Variants in SOX5 observed in about 807,000 individuals in gnomAD.
SOX5 encodes the protein SRY-box transcription factor 5.
A neutral mutation model predicts 92.0 loss-of-function variants in SOX5; 9 were observed. The observed-to-expected ratio is 0.10, with a 90% CI of 0.06 to 0.17. The LOEUF (loss-of-function observed/expected upper bound fraction) is 0.17. SOX5 is among the 10% of genes least tolerant of loss of function. The probability of loss-of-function intolerance (pLI) is 1.00; values close to 1 mark genes in which losing one functional copy is unlikely to be tolerated. For synonymous variants in SOX5, 344 were observed against 336.3 expected (o/e 1.02, Z -0.25); for missense variants, 642 against 944.5 (o/e 0.68, Z 4.20).
intron 1 of SOX5, among the ~76,000 whole-genome samples, chr12:24,529,853 A>T (rs1027021670): frequency 6.6e-5 from 10 of 152,272 alleles, no homozygotes; most frequent in African/African-American, 2.4e-4. Context: ...CCCCGTCTCT[A>T]CTAAAAAATA....
chr12:23,996,038 T>C (rs980885231), intron 4 of SOX5, among the ~76,000 whole-genome samples: 1 of 152,184 alleles, frequency 6.6e-6, no homozygotes, highest in African/African-American at 2.4e-5. Context: ...ACTCATTTAA[T>C]AAGGATAGGA....
At chr12:24,127,769 C>T (rs980339191) in intron 4 of SOX5, among the ~76,000 whole-genome samples, 1 of 152,138 alleles carries the variant, frequency 6.6e-6, no homozygotes, top group Non-Finnish European at 1.5e-5. Context: ...CACCTCACCC[C>T]ACCTGGGGAA....
intron 4 of SOX5, among the ~76,000 whole-genome samples, chr12:24,001,343 T>G (rs1215032514): frequency 1.3e-5 from 2 of 152,010 alleles, no homozygotes; most frequent in Non-Finnish European, 2.9e-5. Flanking sequence ...CCTCCTACCT[T>G]GGCCTCCCAA....
intron 4 of SOX5, among the ~76,000 whole-genome samples, chr12:24,095,154 GAGAC>G (rs1945240445): frequency 1.3e-5 from 2 of 149,570 alleles, no homozygotes; most frequent in African/African-American, 2.5e-5. Flanking sequence ...GAGAGAGAGA[GAGAC>G]AGAGACAGAG....
chr12:23,826,834 T>G (rs1222650306), intron 3 of SOX5, among the ~76,000 whole-genome samples: 2 of 152,168 alleles, frequency 1.3e-5, no homozygotes, highest in Non-Finnish European at 2.9e-5. Flanking sequence ...CTCAGGCAAA[T>G]TTTTACAGAC....
intron 2 of SOX5, among the ~76,000 whole-genome samples, chr12:24,339,637 T>C (rs1293246962): frequency 6.6e-6 from 1 of 152,060 alleles, no homozygotes; most frequent in African/African-American, 2.4e-5. Context: ...AAGAAATGAT[T>C]GTATAAAAGA....
At chr12:24,457,338 TA>T (rs1283139416) in intron 1 of SOX5, among the ~76,000 whole-genome samples, 1 of 152,196 alleles carries the variant, frequency 6.6e-6, no homozygotes, top group Non-Finnish European at 1.5e-5. Flanking sequence ...CTGTTTTTTT[TA>T]AAATATATAC....
At chr12:23,830,457 A>G (rs1054010984) in intron 3 of SOX5, among the ~76,000 whole-genome samples, 1 of 152,232 alleles carries the variant, frequency 6.6e-6, no homozygotes, top group African/African-American at 2.4e-5. Flanking sequence ...CAAAACTTAA[A>G]AGGGCTCAAT....
intron 2 of SOX5, among the ~76,000 whole-genome samples, chr12:23,847,965 C>G (rs1188490854): frequency 6.6e-6 from 1 of 152,060 alleles, no homozygotes; most frequent in African/African-American, 2.4e-5. Context: ...AGAGCAATCA[C>G]AAATTCATTC....
At chr12:23,860,978 A>C (rs899847688) in intron 2 of SOX5, among the ~76,000 whole-genome samples, 1 of 146,716 alleles carries the variant, frequency 6.8e-6, no homozygotes, top group Non-Finnish European at 1.5e-5. Context: ...AAAAAAAAAA[A>C]CCCTGCCAAC....
At chr12:23,577,263 C>T (rs559182171) in intron 9 of SOX5, among the ~76,000 whole-genome samples, 4 of 140,256 alleles carry the variant, frequency 2.9e-5, no homozygotes, top group South Asian at 2.3e-4. Flanking sequence ...GGTGCAATCT[C>T]GGCTCATCGT....
chr12:24,124,712 G>C (rs1311014267), intron 4 of SOX5, among the ~76,000 whole-genome samples: 4 of 152,160 alleles, frequency 2.6e-5, no homozygotes, highest in Non-Finnish European at 5.9e-5. Flanking sequence ...GTCTCCAGTG[G>C]AGACTAATGG....
At chr12:24,463,552 G>A (rs756185070) in intron 1 of SOX5, among the ~76,000 whole-genome samples, 5 of 152,132 alleles carry the variant, frequency 3.3e-5, no homozygotes, top group Non-Finnish European at 5.9e-5. Context: ...TAATAAACCT[G>A]TGGCTTCATA....
chr12:24,120,234 T>C (rs1222656452), intron 4 of SOX5, among the ~76,000 whole-genome samples: 1 of 152,226 alleles, frequency 6.6e-6, no homozygotes, highest in East Asian at 1.9e-4. Context: ...AACTTTAGTA[T>C]ATACTGCTGA....
intron 1 of SOX5, among the ~76,000 whole-genome samples, chr12:24,498,995 T>C (rs55978089): frequency 0.016 from 2,396 of 152,304 alleles, 27 homozygotes; most frequent in Middle Eastern, 0.054. Context: ...CAAGTGATGG[T>C]GTAATACTGC....
At chr12:23,800,176 A>G (rs1413458228) in intron 3 of SOX5, among the ~76,000 whole-genome samples, 1 of 152,192 alleles carries the variant, frequency 6.6e-6, no homozygotes, top group African/African-American at 2.4e-5. Flanking sequence ...GGTTGAAAAA[A>G]AGAAGAATAT....
chr12:23,784,840 G>T (rs1296350543), intron 3 of SOX5, among the ~76,000 whole-genome samples: 1 of 152,114 alleles, frequency 6.6e-6, no homozygotes, highest in Non-Finnish European at 1.5e-5. Flanking sequence ...ACTTTGAGAG[G>T]GTAAGGTGGG....
At chr12:24,049,335 GTTTA>G (rs1957330077) in intron 4 of SOX5, among the ~76,000 whole-genome samples, 2 of 152,180 alleles carry the variant, frequency 1.3e-5, no homozygotes, top group South Asian at 4.1e-4. Context: ...CAAACTGGCA[GTTTA>G]TTTACCCACG....
intron 4 of SOX5, among the ~76,000 whole-genome samples, chr12:23,963,414 T>A (rs1947179756): frequency 6.6e-6 from 1 of 152,182 alleles, no homozygotes; most frequent in Non-Finnish European, 1.5e-5. Flanking sequence ...CAAATACATA[T>A]AATCATGCTT....
Sources: gnomAD v4.1 joint callset for allele counts (sites outside exome capture counted in the v4.1 genomes callset) on GRCh38, gnomAD v4.1.1 for gene constraint, MANE v1.5 for transcripts, NCBI Gene and HGNC (gene_info 2026-07-23, HGNC 2026-07-21) for gene names.